The following VWA5A variants were observed in gnomAD, a reference collection of about 807,000 sequenced individuals.
VWA5A encodes von Willebrand factor A domain containing 5A.
A neutral mutation model predicts 84.6 loss-of-function variants in VWA5A; 77 were observed. That is an observed-to-expected ratio of 0.91 (90% CI 0.76 to 1.10). VWA5A has a LOEUF of 1.10. Ranked by LOEUF, VWA5A falls within the 50% of genes least tolerant of loss-of-function variation. The probability of loss-of-function intolerance (pLI) is 0.00; values close to 1 mark genes in which losing one functional copy is unlikely to be tolerated. For missense variants in VWA5A, 973 were observed against 963.0 expected, an observed-to-expected ratio of 1.01 and a Z score of -0.14; for synonymous variants, 334 against 350.1, an observed-to-expected ratio of 0.95 and a Z score of 0.51.
intron 11 of VWA5A, among the ~76,000 whole-genome samples, chr11:124,130,221 T>G (rs188877888): frequency 2.6e-5 from 4 of 152,330 alleles, no homozygotes; most frequent in Admixed American, 2.6e-4. Context: ...TATTTCTGCC[T>G]TAACTTTGTT....
chr11:124,140,003 A>G (rs1860696147), intron 15 of VWA5A, among the ~76,000 whole-genome samples: 1 of 151,986 alleles, frequency 6.6e-6, no homozygotes, highest in African/African-American at 2.4e-5. Flanking sequence ...AGTTTTTATC[A>G]TGATGTTGAA....
At chr11:124,135,703 T>C (rs1865169140) in intron 12 of VWA5A, among the ~76,000 whole-genome samples, 1 of 150,270 alleles carries the variant, frequency 6.7e-6, no homozygotes, top group African/African-American at 2.5e-5. Flanking sequence ...GCTAATTTTT[T>C]GTATTTTTAG....
Position 124,123,412 on chromosome 11 carries a change from T to A in VWA5A, c.977T>A (p.Phe326Tyr), listed in dbSNP as rs765199773. Residue 326 changes from phenylalanine to tyrosine, a missense_variant, in exon 9 of 19, where the codon TTC (phenylalanine) becomes TAC (tyrosine). Phe to Tyr is a conservative substitution (Grantham distance 22). Coordinates refer to ENST00000456829, the MANE Select transcript of VWA5A (RefSeq NM_001130142.2). ...AAGAGTTTACCTATAGGCTGTTATTTCAACATCTATGGATTTGGCTCTTCC... is the reference window on the plus strand; with the variant it reads ...AAGAGTTTACCTATAGGCTGTTATTACAACATCTATGGATTTGGCTCTTCC... Reference protein sequence around the residue: ...LLKSLPIGCYFNIYGFGSSYE... With the variant: ...LLKSLPIGCYYNIYGFGSSYE... The A allele has an allele frequency of 6.2e-7, 1 of 1,614,112 alleles. No homozygotes were observed.
intron 10 of VWA5A, 144 bp from the exon 11 acceptor site, chr11:124,124,093 C>G: frequency 1.1e-6 from 1 of 895,666 alleles, no homozygotes; most frequent in Non-Finnish European, 1.7e-6. Context: ...GTGGTGCCAG[C>G]GACTGAAACA....
intron 11 of VWA5A, among the ~76,000 whole-genome samples, chr11:124,132,902 A>C (rs1251740591): frequency 6.6e-6 from 1 of 152,188 alleles, no homozygotes; most frequent in Non-Finnish European, 1.5e-5. Context: ...AGATCTAAGC[A>C]CATCTGTAGC....
chr11:124,147,409 G>C lies in VWA5A; in HGVS notation c.*1464G>C, dbSNP rs569678698. 6.6e-6 allele frequency: 1 copy of C among 152,300 alleles called. No homozygotes were observed. Among genetic ancestry groups the C allele is most frequent in the South Asian group, 2.1e-4 (1 of 4,828 alleles). 9.4% of individuals were successfully genotyped at this position (152,300 alleles called of 1,614,324 possible). ...TCAGAATTCCTAGAGGAACATCGGTGACTTTTCACTCAGAAAGTGGGTGGA... is the reference window on the plus strand; with the variant it reads ...TCAGAATTCCTAGAGGAACATCGGTCACTTTTCACTCAGAAAGTGGGTGGA... On this transcript the variant is annotated 3_prime_UTR_variant, in exon 19 of 19. Transcript: ENST00000456829.
At position 124,136,689 on chromosome 11, in the gene VWA5A, T is replaced by TGCCC; in HGVS notation, c.1625+15_1625+16insGCCC. The TGCCC allele has an allele frequency of 6.9e-7, 1 of 1,458,474 alleles. No individual in the cohort carries two copies. Among genetic ancestry groups the TGCCC allele is most frequent in the Non-Finnish European group, 9.4e-7 (1 of 1,062,506 alleles). The allele number at this position is 1,458,474 out of a possible 1,614,324, so 90.3% of individuals were successfully genotyped here. A position where few individuals can be genotyped will look rare whatever the true frequency, so the allele number is the denominator to read the frequency against. ...CCTGATGTCAAGTGAGAATTCAGTT[T>TGCCC]TCCCTTCCTTCCTTCCTTCCTTCCT... On this transcript the variant is annotated intron_variant, in intron 14 of 18. Transcript: ENST00000456829.
chr11:124,124,328 A>T lies in VWA5A; in HGVS notation c.1244+12A>T, dbSNP rs755894035. 30 of 1,613,310 alleles carry T rather than the reference A, an allele frequency of 1.9e-5. No individual in the cohort carries two copies. Among genetic ancestry groups the T allele is most frequent in the Non-Finnish European group, 2.5e-5 (29 of 1,179,586 alleles). On this transcript the variant is annotated intron_variant, in intron 11 of 18. Coordinates refer to ENST00000456829, the MANE Select transcript of VWA5A (RefSeq NM_001130142.2). ...AGACAGAAACACAGGTAGGAAGAAA[A>T]TGTGATTTCCGGGTGATTGGTGCTG...
At chr11:124,131,937 T>C (rs1865103763) in intron 11 of VWA5A, among the ~76,000 whole-genome samples, 1 of 152,132 alleles carries the variant, frequency 6.6e-6, no homozygotes, top group Non-Finnish European at 1.5e-5. Flanking sequence ...AAGTATGGTG[T>C]TTGCTGTAAG....
chr11:124,132,519 A>G (rs1049542498), intron 11 of VWA5A, among the ~76,000 whole-genome samples: 27 of 152,190 alleles, frequency 1.8e-4, no homozygotes, highest in African/African-American at 5.1e-4. Context: ...TGTATATTTT[A>G]TTGAAGTTCT....
At chr11:124,122,574 A>C (rs1171408915) in intron 7 of VWA5A, among the ~76,000 whole-genome samples, 1 of 152,198 alleles carries the variant, frequency 6.6e-6, no homozygotes, top group Non-Finnish European at 1.5e-5. Flanking sequence ...TACATTTCCC[A>C]TTTATTTGAT....
chr11:124,117,036 T>C (rs1187500527), intron 2 of VWA5A, among the ~76,000 whole-genome samples: 3 of 152,210 alleles, frequency 2.0e-5, no homozygotes, highest in Non-Finnish European at 2.9e-5. Flanking sequence ...TAGTGATGTC[T>C]GTCATCATTG....
rs762958600 is a variant in VWA5A at position 124,136,750 on chromosome 11, TTCCCTCCC to T, written c.1625+100_1625+107del. 1.7e-4 allele frequency: 139 copies of T among 812,136 alleles called. 2 individuals carry two copies. In the East Asian group the frequency reaches 2.6e-3, roughly 15 times the overall value. The allele number at this position is 812,136 out of a possible 1,614,324, so 50.3% of individuals were successfully genotyped here. ...CTTCCTTCCTTCCTTCCTTCCTTCA[TTCCCTCCC>T]TCCCTCCCTCCCTCCCTCCCTCCTT... On this transcript the variant is annotated intron_variant, in intron 14 of 18. Coordinates refer to ENST00000456829, the MANE Select transcript of VWA5A (RefSeq NM_001130142.2).
intron 10 of VWA5A, 123 bp from the exon 11 acceptor site, chr11:124,124,114 C>A: frequency 1.0e-6 from 1 of 980,746 alleles, no homozygotes; most frequent in Non-Finnish European, 1.5e-6. Context: ...TTAGGGATTT[C>A]ATGCCTCTTT....
At chr11:124,130,524 G>T (rs1865081096) in intron 11 of VWA5A, among the ~76,000 whole-genome samples, 1 of 152,156 alleles carries the variant, frequency 6.6e-6, no homozygotes, top group Non-Finnish European at 1.5e-5. Context: ...TTCAAGTCCT[G>T]AATATATTTG....
At chr11:124,128,812 ATT>A (rs1047797980) in intron 11 of VWA5A, among the ~76,000 whole-genome samples, 1 of 151,996 alleles carries the variant, frequency 6.6e-6, no homozygotes, top group African/African-American at 2.4e-5. Flanking sequence ...GAATGTTTGT[ATT>A]TTTGCACATT....
chr11:124,140,048 A>G (rs1235340683), intron 15 of VWA5A, among the ~76,000 whole-genome samples: 1 of 152,110 alleles, frequency 6.6e-6, no homozygotes, highest in Non-Finnish European at 1.5e-5. Flanking sequence ...TATTGAAATG[A>G]TCATGTTTTT....
chr11:124,123,043 T>C lies in VWA5A; in HGVS notation c.844T>C (p.Phe282Leu). 1 of 1,613,964 alleles carries C rather than the reference T, an allele frequency of 6.2e-7. No homozygotes were observed. Among genetic ancestry groups the C allele is most frequent in the Non-Finnish European group, 8.5e-7 (1 of 1,179,996 alleles). ...TCAACCATCAAATACCTGTGGAGAG[T>C]TTATCTTTCTCATGGACCGCTCGGG... is the stretch of plus-strand genomic sequence containing the variant. The part of the protein sequence containing the change: ...EDQPSNTCGE[F>L]IFLMDRSGSM... Residue 282 changes from phenylalanine (F) to leucine (L), a missense_variant, in exon 8 of 19, where the codon TTT (phenylalanine) becomes CTT (leucine). Coordinates refer to ENST00000456829, the MANE Select transcript of VWA5A (RefSeq NM_001130142.2).
chr11:124,137,160 A>C lies in VWA5A; in HGVS notation c.1771A>C (p.Ile591Leu), dbSNP rs1388537772. Residue 591 changes from isoleucine to leucine, a missense_variant, in exon 15 of 19, where the codon ATC (isoleucine) becomes CTC (leucine). Ile to Leu is a conservative substitution (Grantham distance 5). Coordinates refer to ENST00000456829, the MANE Select transcript of VWA5A (RefSeq NM_001130142.2). Reference sequence around the variant, plus strand: ...AAGCTCCTTCACAGCTTTCATTGCTATCAATAAGGAGCTCAACAAGCCGGT... The same window carrying C: ...AAGCTCCTTCACAGCTTTCATTGCTCTCAATAAGGAGCTCAACAAGCCGGT... Reference protein sequence around the residue: ...VISSFTAFIAINKELNKPVQG... With the variant: ...VISSFTAFIALNKELNKPVQG... The C allele has an allele frequency of 1.2e-6, 2 of 1,614,070 alleles. No homozygotes were observed. The highest frequency in any genetic ancestry group is 1.7e-6 in the Non-Finnish European group (2 of 1,180,020).
Sources: allele counts gnomAD v4.1 joint callset (sites outside exome capture counted in the v4.1 genomes callset), GRCh38; gene constraint gnomAD v4.1.1; transcripts MANE v1.5; gene names NCBI Gene and HGNC (gene_info 2026-07-23, HGNC 2026-07-21).